Variants in ITGBL1 observed in about 807,000 individuals in gnomAD.
The protein encoded by ITGBL1 is integrin subunit beta like 1.
Under a neutral mutation model 68.5 loss-of-function variants are expected in ITGBL1, and 51 were observed. The ratio of observed to expected loss-of-function variants is 0.74; its 90% CI spans 0.59 to 0.94. The LOEUF (loss-of-function observed/expected upper bound fraction) is 0.94. ITGBL1 is among the 40% of genes least tolerant of loss of function. ITGBL1 has a pLI of 0.00. For missense variants in ITGBL1, 649 were observed against 647.4 expected (o/e 1.00, Z -0.03); for synonymous variants, 209 against 227.3 (o/e 0.92, Z 0.72).
intron 8 of ITGBL1, among the ~76,000 whole-genome samples, chr13:101,695,664 G>A (rs558693892): frequency 4.5e-4 from 68 of 152,200 alleles, no homozygotes; most frequent in Middle Eastern, 6.8e-3. Flanking sequence ...TAAAGGTGGA[G>A]GATCTTGAAT....
intron 7 of ITGBL1, among the ~76,000 whole-genome samples, chr13:101,646,430 A>G (rs2032562068): frequency 6.6e-6 from 1 of 152,218 alleles, no homozygotes; most frequent in African/African-American, 2.4e-5. Flanking sequence ...GTTAAAAAAA[A>G]GTAATTAAAA....
intron 7 of ITGBL1, among the ~76,000 whole-genome samples, chr13:101,633,981 C>T (rs2032078964): frequency 6.6e-6 from 1 of 150,564 alleles, no homozygotes; most frequent in Non-Finnish European, 1.5e-5. Context: ...TGTGATGATG[C>T]ATAAAATTAT....
chr13:101,460,661 G>A lies in ITGBL1; in HGVS notation c.316+6561G>A, dbSNP rs74457181. On this transcript the variant is annotated intron_variant, in intron 2 of 10. Transcript: ENST00000376180. Reference sequence around the variant, plus strand: ...GACTGGGTAGGTTGTAAAGGAAAGAGGTTTATTTGGCTTACAGTTTTGCAG... The same window carrying A: ...GACTGGGTAGGTTGTAAAGGAAAGAAGTTTATTTGGCTTACAGTTTTGCAG... Among the ~76,000 whole-genome samples, 2,760 of 152,284 alleles carry A rather than the reference G, an allele frequency of 0.018. 187 individuals carry two copies. The East Asian group carries it at 0.22, about 12-fold the overall frequency.
At chr13:101,572,137 C>G (rs1052457602) in intron 3 of ITGBL1, among the ~76,000 whole-genome samples, 23 of 152,170 alleles carry the variant, frequency 1.5e-4, no homozygotes, top group Non-Finnish European at 3.2e-4. Context: ...CAGTCTCATT[C>G]TCACCTGTCT....
intron 8 of ITGBL1, among the ~76,000 whole-genome samples, chr13:101,700,451 T>C (rs903091919): frequency 6.6e-6 from 1 of 152,198 alleles, no homozygotes; most frequent in African/African-American, 2.4e-5. Flanking sequence ...CACTTTTCAC[T>C]TGGAAAACAG....
chr13:101,700,943 C>G (rs2034122231), intron 8 of ITGBL1, among the ~76,000 whole-genome samples: 1 of 152,104 alleles, frequency 6.6e-6, no homozygotes, highest in Non-Finnish European at 1.5e-5. Context: ...TCAAATGTTG[C>G]TTATCGTTAT....
chr13:101,684,717 A>G (rs1011597808), intron 7 of ITGBL1, among the ~76,000 whole-genome samples: 6 of 151,930 alleles, frequency 3.9e-5, no homozygotes, highest in African/African-American at 1.4e-4. Flanking sequence ...ACCGACAAAG[A>G]CATCTAGTGC....
At chr13:101,644,874 C>T (rs1364891914) in intron 7 of ITGBL1, among the ~76,000 whole-genome samples, 2 of 152,018 alleles carry the variant, frequency 1.3e-5, no homozygotes, top group African/African-American at 4.8e-5. Context: ...TCATGTAATA[C>T]CTTAAGAACT....
At chr13:101,537,392 A>C (rs1246530256) in intron 2 of ITGBL1, among the ~76,000 whole-genome samples, 1 of 152,042 alleles carries the variant, frequency 6.6e-6, no homozygotes, top group Non-Finnish European at 1.5e-5. Context: ...ATTTTATATG[A>C]AACTTAATCT....
intron 2 of ITGBL1, among the ~76,000 whole-genome samples, chr13:101,505,536 T>C (rs2049013763): frequency 6.6e-6 from 1 of 152,228 alleles, no homozygotes; most frequent in Non-Finnish European, 1.5e-5. Flanking sequence ...CATTATCTTA[T>C]TCAATCTGTA....
At chr13:101,615,426 A>G (rs941601990) in intron 7 of ITGBL1, among the ~76,000 whole-genome samples, 2 of 152,166 alleles carry the variant, frequency 1.3e-5, no homozygotes, top group Non-Finnish European at 2.9e-5. Flanking sequence ...TACCAGAGAT[A>G]TTTATTCAGA....
chr13:101,594,313 C>G (rs2050706542), intron 6 of ITGBL1, among the ~76,000 whole-genome samples: 1 of 152,034 alleles, frequency 6.6e-6, no homozygotes, highest in Admixed American at 6.6e-5. Flanking sequence ...ACAAAGATGA[C>G]AAGAACACAC....
At chr13:101,712,209 A>T (rs190489609) in intron 9 of ITGBL1, 1 of 152,352 alleles carries the variant, frequency 6.6e-6, no homozygotes, top group East Asian at 1.9e-4. Context: ...CTGAGCATTG[A>T]CAAACAGGAA....
At position 101,577,753 on chromosome 13, in the gene ITGBL1, TA is replaced by T. The variant is rs1427186135; in HGVS notation, c.587-1532del. Among the ~76,000 whole-genome samples, 5 of 152,250 alleles carry T rather than the reference TA, an allele frequency of 3.3e-5. No individual in the cohort carries two copies. The East Asian group carries it at 9.7e-4, about 29-fold the overall frequency. On this transcript the variant is annotated intron_variant, in intron 4 of 10. Transcript: ENST00000376180. ...ATACACTATTGCTTTTTTTTCAGTG[TA>T]ATCCTTGAGTTCTTGAGGCCTGTGA...
At chr13:101,499,692 T>G (rs1038890382) in intron 2 of ITGBL1, among the ~76,000 whole-genome samples, 9 of 152,222 alleles carry the variant, frequency 5.9e-5, no homozygotes, top group Non-Finnish European at 1.0e-4. Flanking sequence ...CTTTGGCAAT[T>G]GATTTTTCTA....
chr13:101,560,897 G>A (rs2050088978), intron 2 of ITGBL1, among the ~76,000 whole-genome samples: 1 of 152,168 alleles, frequency 6.6e-6, no homozygotes, highest in Admixed American at 6.6e-5. Flanking sequence ...CAAAGTGTCT[G>A]TAAGATTTTG....
intron 2 of ITGBL1, among the ~76,000 whole-genome samples, chr13:101,481,093 T>TAC (rs1555353315): frequency 1.3e-5 from 2 of 150,734 alleles, no homozygotes; most frequent in South Asian, 2.1e-4. Flanking sequence ...CACATATATA[T>TAC]ACACACACGT....
At chr13:101,700,519 C>T (rs369767360) in intron 8 of ITGBL1, among the ~76,000 whole-genome samples, 1 of 152,236 alleles carries the variant, frequency 6.6e-6, no homozygotes, top group South Asian at 2.1e-4. Context: ...ATCTGTCCCA[C>T]CTAGTTGCCA....
intron 7 of ITGBL1, among the ~76,000 whole-genome samples, chr13:101,654,746 C>T (rs899996323): frequency 6.6e-6 from 1 of 152,064 alleles, no homozygotes; most frequent in African/African-American, 2.4e-5. Flanking sequence ...GTCATGTCTT[C>T]AGAATGCAGA....
Sources: gnomAD v4.1 joint callset for allele counts (sites outside exome capture counted in the v4.1 genomes callset) on GRCh38, gnomAD v4.1.1 for gene constraint, MANE v1.5 for transcripts, NCBI Gene and HGNC (gene_info 2026-07-23, HGNC 2026-07-21) for gene names.